The following CYP11A1 variants were observed in gnomAD, a reference collection of about 807,000 sequenced individuals.
CYP11A1 encodes cholesterol side-chain cleavage enzyme, mitochondrial.
In CYP11A1, 25 loss-of-function variants were observed where a neutral mutation model predicts 51.9. That is an observed-to-expected ratio of 0.48 (90% confidence interval 0.35 to 0.67). The LOEUF is 0.67. Among genes scored for constraint, CYP11A1 ranks in the 30% least tolerant of loss-of-function variants. CYP11A1 has a pLI of 0.00. For missense variants in CYP11A1, 578 were observed against 680.9 expected, an observed-to-expected ratio of 0.85 and a Z score of 1.68; for synonymous variants, 245 against 262.1, an observed-to-expected ratio of 0.93 and a Z score of 0.63.
chr15:74,357,703 C>T (rs2060686907), intron 1 of CYP11A1, among the ~76,000 whole-genome samples: 1 of 152,200 alleles, frequency 6.6e-6, no homozygotes, highest in South Asian at 2.1e-4. Context: ...AATTCTTACA[C>T]AAGAGCCAGG....
chr15:74,365,565 C>G (rs2060728354), intron 1 of CYP11A1: 1 of 588,028 alleles, frequency 1.7e-6, no homozygotes, highest in African/African-American at 2.0e-5. Context: ...CTAACCACCT[C>G]TCTCCGAGAG....
At chr15:74,366,649 G>A (rs2060735057) in intron 1 of CYP11A1, 1 of 151,158 alleles carries the variant, frequency 6.6e-6, no homozygotes, top group Admixed American at 6.6e-5. Flanking sequence ...TCGCTGGCTG[G>A]GCTGACAGCT....
rs113533848 is a variant in CYP11A1 at position 74,361,812 on chromosome 15, T to A, written c.269+5505A>T. On this transcript the variant is annotated intron_variant, in intron 1 of 8. Coordinates refer to ENST00000268053, the MANE Select transcript of CYP11A1 (RefSeq NM_000781.3). ...TGGGGAGAAATTTGATGATGAGAAC[T>A]TCATCCTAAGGCATACACGTCCTGG... 5.1e-3 allele frequency: 6,198 copies of A among 1,208,588 alleles called. 76 individuals carry two copies. The highest frequency in any genetic ancestry group is 0.031 in the South Asian group (2,544 of 82,030). 74.9% of individuals were successfully genotyped at this position (1,208,588 alleles called of 1,614,324 possible).
At chr15:74,339,808 C>G in intron 5 of CYP11A1, 55 bp from the exon 6 acceptor site, 1 of 1,548,678 alleles carries the variant, frequency 6.5e-7, no homozygotes, top group Non-Finnish European at 8.9e-7. Flanking sequence ...TCCGGGGCCC[C>G]TTGAGGTCCT....
At chr15:74,353,847 C>G (rs1024182407) in intron 1 of CYP11A1, among the ~76,000 whole-genome samples, 8 of 152,154 alleles carry the variant, frequency 5.3e-5, no homozygotes, top group African/African-American at 1.9e-4. Context: ...CTGTGCATTT[C>G]TAGCAAGTCA....
intron 1 of CYP11A1, among the ~76,000 whole-genome samples, chr15:74,359,808 A>G (rs1409801565): frequency 6.6e-6 from 1 of 152,170 alleles, no homozygotes; most frequent in Non-Finnish European, 1.5e-5. Flanking sequence ...GAAATCTGGC[A>G]TGCCGGTGAA....
At chr15:74,340,088 C>T (rs577490581) in intron 5 of CYP11A1, among the ~76,000 whole-genome samples, 8 of 152,298 alleles carry the variant, frequency 5.3e-5, no homozygotes, top group Admixed American at 5.2e-4. Context: ...TCCAGAGGCC[C>T]TTAGAGGCCA....
At position 74,345,633 on chromosome 15, in the gene CYP11A1, G is replaced by T. The variant is rs957981917; in HGVS notation, c.426-390C>A. On this transcript the variant is annotated intron_variant, in intron 2 of 8. Coordinates refer to ENST00000268053, the MANE Select transcript of CYP11A1 (RefSeq NM_000781.3). This position sits in a 1 kb window ranked among gnomAD's most constrained non-coding sequence, Gnocchi z 4.3. ...CGATGCTCACCTTTGACACTCCAGG[G>T]CCCCTCTATATAACATTTTCTGACT... is the stretch of plus-strand genomic sequence containing the variant. Among the ~76,000 whole-genome samples, 2 of 151,910 alleles carry T rather than the reference G, an allele frequency of 1.3e-5. No individual in the cohort carries two copies. The highest frequency in any genetic ancestry group is 4.1e-4 in the South Asian group (2 of 4,822).
chr15:74,364,986 C>T (rs2060725514), intron 1 of CYP11A1, among the ~76,000 whole-genome samples: 1 of 152,132 alleles, frequency 6.6e-6, no homozygotes, highest in African/African-American at 2.4e-5. Context: ...GAGGGAGCAG[C>T]TGAAGCCCCA....
In CYP11A1 at chr15:74,345,156, C is replaced by A. The variant is rs757872565; in HGVS notation, c.513G>T (p.Leu171Phe). 6.2e-7 allele frequency: 1 copy of A among 1,614,206 alleles called. No homozygotes were observed. Residue 171 changes from leucine to phenylalanine, a missense_variant, in exon 3 of 9, where the codon TTG becomes TTT. Coordinates refer to ENST00000268053, the MANE Select transcript of CYP11A1 (RefSeq NM_000781.3). This position sits in a 1 kb window ranked among gnomAD's most constrained non-coding sequence, Gnocchi z 4.3. ...PEATKNFLPL[L>F]DAVSRDFVSV... ...TGACGAAGTCCCGAGACACTGCATC[C>A]AACAGGGGCAAAAAGTTCTTGGTGG...
intron 1 of CYP11A1, among the ~76,000 whole-genome samples, chr15:74,358,443 C>A (rs990421453): frequency 1.3e-4 from 20 of 152,328 alleles, no homozygotes; most frequent in Middle Eastern, 3.4e-3. Flanking sequence ...TTACAAGCCA[C>A]TAGCCCACCT....
At chr15:74,367,195 AAG>A (rs869294609) in intron 1 of CYP11A1, 120 bp downstream of exon 1, 13 of 975,202 alleles carry the variant, frequency 1.3e-5, no homozygotes, top group South Asian at 6.2e-5. Flanking sequence ...AAAAAAAAAA[AAG>A]AAGTTAGACA....
At chr15:74,366,913 A>T in intron 1 of CYP11A1, 1 of 198,442 alleles carries the variant, frequency 5.0e-6, no homozygotes, top group East Asian at 1.4e-4. Flanking sequence ...ACGGGGTTTC[A>T]TCATGTTGGC....
chr15:74,361,615 T>G, intron 1 of CYP11A1: 13 of 1,166,544 alleles, frequency 1.1e-5, no homozygotes, highest in Non-Finnish European at 1.6e-5. Flanking sequence ...CACGTCTCCT[T>G]TGAGCTGTTT....
chr15:74,342,707 G>A (rs1368741479), intron 5 of CYP11A1, among the ~76,000 whole-genome samples: 1 of 152,138 alleles, frequency 6.6e-6, no homozygotes, highest in African/African-American at 2.4e-5. Context: ...GACTCTACGT[G>A]GAACCTGGAC....
At chr15:74,366,841 G>A (rs182288697) in intron 1 of CYP11A1, 3,920 of 175,632 alleles carry the variant, frequency 0.022, 62 homozygotes, top group Middle Eastern at 0.068. Context: ...TCAGCCTCCC[G>A]AGTAGCTGGG....
rs747101738 is a variant in CYP11A1, at chr15:74,342,997, G to C, written c.970C>G (p.Leu324Val). 1.9e-6 allele frequency: 3 copies of C among 1,612,516 alleles called. No individual in the cohort carries two copies. In the East Asian group the frequency reaches 6.7e-5, roughly 36 times the overall value. ...CTCACCGTGTCCACCCCTCCTGCCA[G>C]CATCTCTGTGACGTTGGCCTTGATG... ...EDIKANVTEM[L>V]AGGVDTTSMT... Residue 324 changes from leucine (L) to valine (V), a missense_variant, in exon 5 of 9, where the codon CTG (leucine) becomes GTG (valine). Physicochemically the swap from Leu to Val is conservative, Grantham distance 32. Transcript: ENST00000268053.
Position 74,337,831 on chromosome 15 carries a change from G to T in CYP11A1, c.*141C>A. 1 of 1,076,966 alleles carries T rather than the reference G, an allele frequency of 9.3e-7. No homozygotes were observed. The highest frequency in any genetic ancestry group is 1.4e-6 in the Non-Finnish European group (1 of 720,702). The allele number at this position is 1,076,966 out of a possible 1,614,324, so 66.7% of individuals were successfully genotyped here. ...GTGGCCCAGCTGAGCTGAGGAAGGT[G>T]ACCACTGAGAACCCATTCAACCTGC... On this transcript the variant is annotated 3_prime_UTR_variant, in exon 9 of 9. Coordinates refer to ENST00000268053, the MANE Select transcript of CYP11A1 (RefSeq NM_000781.3).
intron 1 of CYP11A1, chr15:74,362,659 G>A (rs183152024): frequency 1.3e-5 from 2 of 152,328 alleles, no homozygotes; most frequent in African/African-American, 4.8e-5. Flanking sequence ...CTCCCAAGAA[G>A]AAGATGACAT....
Sources: gnomAD v4.1 joint callset for allele counts (sites outside exome capture counted in the v4.1 genomes callset) on GRCh38, gnomAD v4.1.1 for gene constraint, Gnocchi (gnomAD v3.1) non-coding constraint, MANE v1.5 for transcripts, NCBI Gene and HGNC (gene_info 2026-07-23, HGNC 2026-07-21) for gene names.